Variants in IMMP2L observed in about 807,000 individuals in gnomAD.
IMMP2L encodes inner mitochondrial membrane peptidase subunit 2.
In IMMP2L, 18 loss-of-function variants were observed where a neutral mutation model predicts 19.3. The observed-to-expected ratio is 0.93, with a 90% CI of 0.64 to 1.38. IMMP2L has a LOEUF of 1.38. Among genes scored for constraint, IMMP2L ranks in the 40% most tolerant of loss-of-function variants. IMMP2L has a pLI of 0.00. For synonymous variants in IMMP2L, 76 were observed against 73.0 expected (o/e 1.04, Z -0.21); for missense variants, 233 against 218.2 (o/e 1.07, Z -0.43).
chr7:111,096,526 A>G (rs1166261869), intron 3 of IMMP2L, among the ~76,000 whole-genome samples: 1 of 151,572 alleles, frequency 6.6e-6, no homozygotes. Context: ...AAAAAACAAA[A>G]CAAAACCCAC....
chr7:111,365,520 C>G (rs1156346464), intron 3 of IMMP2L, among the ~76,000 whole-genome samples: 1 of 151,998 alleles, frequency 6.6e-6, no homozygotes, highest in African/African-American at 2.4e-5. Context: ...AATAAGGCAA[C>G]AAGAATTAAA....
intron 2 of IMMP2L, among the ~76,000 whole-genome samples, chr7:111,501,021 C>T (rs1226233282): frequency 6.6e-6 from 1 of 152,096 alleles, no homozygotes; most frequent in Non-Finnish European, 1.5e-5. Flanking sequence ...GATCAAACTA[C>T]TCCGAGCTAC....
At chr7:111,162,026 G>A (rs1258327994) in intron 3 of IMMP2L, among the ~76,000 whole-genome samples, 1 of 152,072 alleles carries the variant, frequency 6.6e-6, no homozygotes, top group Non-Finnish European at 1.5e-5. Flanking sequence ...ATAACTGTTA[G>A]ATGGCTAATG....
chr7:111,060,391 T>G (rs1487747120), intron 3 of IMMP2L, among the ~76,000 whole-genome samples: 1 of 152,196 alleles, frequency 6.6e-6, no homozygotes, highest in African/African-American at 2.4e-5. Context: ...CCCAATAATA[T>G]AAATCTACAA....
At chr7:110,748,850 A>G (rs1006342765) in intron 5 of IMMP2L, among the ~76,000 whole-genome samples, 1 of 152,232 alleles carries the variant, frequency 6.6e-6, no homozygotes, top group Non-Finnish European at 1.5e-5. Flanking sequence ...CAAAGACTTC[A>G]TGACTGAAAC....
At chr7:110,729,929 A>ATTT (rs35261835) in intron 5 of IMMP2L, among the ~76,000 whole-genome samples, 11 of 148,606 alleles carry the variant, frequency 7.4e-5, no homozygotes, top group African/African-American at 2.2e-4. Context: ...ATAAAAGTTG[A>ATTT]TTTTTTTTTT....
intron 3 of IMMP2L, among the ~76,000 whole-genome samples, chr7:111,179,117 T>C (rs538278744): frequency 2.6e-4 from 40 of 152,182 alleles, no homozygotes; most frequent in Non-Finnish European, 5.1e-4. Flanking sequence ...TTAGCAGGCA[T>C]GAAAATAACA....
Position 111,060,382 on chromosome 7 carries a change from C to A in IMMP2L, c.240-96817G>T, listed in dbSNP as rs145777173. On this transcript the variant is annotated intron_variant, in intron 3 of 5. Coordinates refer to ENST00000405709, the MANE Select transcript of IMMP2L (RefSeq NM_032549.4). ...TTATTTTCTGACCTTTCAGGAAAAC[C>A]CAATAATATAAATCTACAAAATGAA... 4.8e-3 allele frequency among the ~76,000 whole-genome samples: 729 copies of A among 152,164 alleles called. 21 individuals are homozygous for A. The highest frequency in any genetic ancestry group is 0.042 in the Admixed American group (644 of 15,264).
At chr7:111,330,034 C>T (rs867677109) in intron 3 of IMMP2L, among the ~76,000 whole-genome samples, 1 of 151,564 alleles carries the variant, frequency 6.6e-6, no homozygotes, top group South Asian at 2.1e-4. Flanking sequence ...TAATAAATAT[C>T]CATAAATTCT....
At chr7:111,413,727 T>C (rs1834680570) in intron 3 of IMMP2L, among the ~76,000 whole-genome samples, 1 of 86,150 alleles carries the variant, frequency 1.2e-5, no homozygotes, top group Non-Finnish European at 2.4e-5. Context: ...CTCTTGCCTG[T>C]CAGCTCCAAA....
chr7:111,161,315 T>A (rs975508888), intron 3 of IMMP2L, among the ~76,000 whole-genome samples: 2 of 152,036 alleles, frequency 1.3e-5, no homozygotes, highest in African/African-American at 4.8e-5. Context: ...CTTACTCATG[T>A]ATGTATATGT....
At chr7:110,967,589 A>G (rs561475940) in intron 3 of IMMP2L, among the ~76,000 whole-genome samples, 13 of 152,180 alleles carry the variant, frequency 8.5e-5, no homozygotes, top group Non-Finnish European at 1.6e-4. Flanking sequence ...GTAATCACTG[A>G]ACCTTTAAAA....
chr7:111,043,170 G>A (rs957008215), intron 3 of IMMP2L, among the ~76,000 whole-genome samples: 1 of 152,138 alleles, frequency 6.6e-6, no homozygotes, highest in Non-Finnish European at 1.5e-5. Flanking sequence ...AAGACAATCC[G>A]TTATATCCTC....
At chr7:110,962,717 C>T (rs2129555482) in intron 4 of IMMP2L, 1 of 1,014,224 alleles carries the variant, frequency 9.9e-7, no homozygotes, top group South Asian at 4.6e-5. Flanking sequence ...CTAAAACTGA[C>T]TGAGGTTCAT....
chr7:111,154,010 G>T (rs1030442020), intron 3 of IMMP2L, among the ~76,000 whole-genome samples: 18 of 151,964 alleles, frequency 1.2e-4, no homozygotes, highest in African/African-American at 4.1e-4. Flanking sequence ...TATTCTCCCA[G>T]TAAGTTTTTT....
chr7:111,068,875 G>C (rs182776967), intron 3 of IMMP2L, among the ~76,000 whole-genome samples: 1 of 152,124 alleles, frequency 6.6e-6, no homozygotes, highest in Non-Finnish European at 1.5e-5. Flanking sequence ...CCCATTTGTT[G>C]TTCTGTCCAC....
rs1258811702 is a variant in IMMP2L, at chr7:111,123,923, C to G, written c.240-160358G>C. 3 of 1,614,012 alleles carry G rather than the reference C, an allele frequency of 1.9e-6. No individual in the cohort carries two copies. The highest frequency in any genetic ancestry group is 1.1e-5 in the South Asian group (1 of 91,084). ...ATCCGTTGGATGAACATGAACAAAA[C>G]CAACATTCGATTCATGGAGCCAGAT... On this transcript the variant is annotated intron_variant, in intron 3 of 5. Coordinates refer to ENST00000405709, the MANE Select transcript of IMMP2L (RefSeq NM_032549.4). The surrounding 1 kb of genome is among the most constrained non-coding windows in gnomAD (Gnocchi z 6.4).
chr7:111,304,313 G>T (rs192658296), intron 3 of IMMP2L, among the ~76,000 whole-genome samples: 1 of 152,106 alleles, frequency 6.6e-6, no homozygotes, highest in East Asian at 1.9e-4. Flanking sequence ...AAGTGCCACA[G>T]AATCTACAGA....
At chr7:111,196,368 C>A (rs1358069286) in intron 3 of IMMP2L, among the ~76,000 whole-genome samples, 1 of 151,902 alleles carries the variant, frequency 6.6e-6, no homozygotes, top group Non-Finnish European at 1.5e-5. Flanking sequence ...CGATAAAAAT[C>A]AAACTAGAAA....
Sources: gnomAD v4.1 joint callset for allele counts (sites outside exome capture counted in the v4.1 genomes callset) on GRCh38, gnomAD v4.1.1 for gene constraint, Gnocchi (gnomAD v3.1) non-coding constraint, MANE v1.5 for transcripts, NCBI Gene and HGNC (gene_info 2026-07-23, HGNC 2026-07-21) for gene names.